Variants in DOK6 observed in about 807,000 individuals in gnomAD.
The protein encoded by DOK6 is downstream of tyrosine kinase 6.
A neutral mutation model predicts 44.0 loss-of-function variants in DOK6; 22 were observed. The ratio of observed to expected loss-of-function variants is 0.50; its 90% CI spans 0.36 to 0.71. The LOEUF (loss-of-function observed/expected upper bound fraction) is 0.71. DOK6 is among the 30% of genes least tolerant of loss of function. The pLI, the probability that DOK6 is intolerant of heterozygous loss-of-function variation, is 0.00. For synonymous variants in DOK6, 166 were observed against 145.5 expected (o/e 1.14, Z -1.01); for missense variants, 340 against 416.4 (o/e 0.82, Z 1.60).
Position 69,564,613 on chromosome 18 carries a change from A to C in DOK6, c.174+19A>C, listed in dbSNP as rs779362836. 1.3e-6 allele frequency: 2 copies of C among 1,592,186 alleles called. No individual in the cohort carries two copies. The highest frequency in any genetic ancestry group is 1.7e-6 in the Non-Finnish European group (2 of 1,165,634). On this transcript the variant is annotated intron_variant, in intron 2 of 7. Transcript: ENST00000382713. ...TCATAAGGTAAGTCACAGTCCTGGG[A>C]GTCCCTGGGGAATAACTGGGCCCTT...
chr18:69,671,385 A>C (rs1275458077), intron 3 of DOK6, among the ~76,000 whole-genome samples: 4 of 152,218 alleles, frequency 2.6e-5, no homozygotes, highest in Non-Finnish European at 5.9e-5. Context: ...TCAAAGATGC[A>C]TTTAGGTGGT....
chr18:69,810,446 T>G (rs1981189238), intron 7 of DOK6, among the ~76,000 whole-genome samples: 1 of 151,334 alleles, frequency 6.6e-6, no homozygotes, highest in African/African-American at 2.4e-5. Flanking sequence ...CCACAGGAAA[T>G]GAAAATGAAA....
chr18:69,691,989 G>C (rs532713465), intron 4 of DOK6, among the ~76,000 whole-genome samples: 1 of 152,212 alleles, frequency 6.6e-6, no homozygotes, highest in Admixed American at 6.5e-5. Context: ...TTGTCATTAA[G>C]AATTCAAAAG....
intron 1 of DOK6, among the ~76,000 whole-genome samples, chr18:69,498,621 A>G (rs1266497944): frequency 6.6e-6 from 1 of 152,226 alleles, no homozygotes; most frequent in Non-Finnish European, 1.5e-5. Context: ...TGTATAAGTT[A>G]CCCCACAATT....
chr18:69,666,603 A>G (rs970306966), intron 3 of DOK6, among the ~76,000 whole-genome samples: 3 of 152,066 alleles, frequency 2.0e-5, no homozygotes, highest in African/African-American at 7.2e-5. Flanking sequence ...TGCAGGCACC[A>G]TGTTGCCATT....
chr18:69,512,332 C>CTTCTTCTTTTTTTTTTTTT (rs59109570), intron 1 of DOK6, among the ~76,000 whole-genome samples: 6 of 91,682 alleles, frequency 6.5e-5, no homozygotes, highest in African/African-American at 2.8e-4. Flanking sequence ...CTTTCTTCTT[C>CTTCTTCTTTTTTTTTTTTT]TTTTTTTTTT....
intron 1 of DOK6, among the ~76,000 whole-genome samples, chr18:69,431,925 A>G (rs1978817638): frequency 6.6e-6 from 1 of 152,220 alleles, no homozygotes; most frequent in African/African-American, 2.4e-5. Flanking sequence ...AGCACAGAAT[A>G]ATTATCTATC....
intron 4 of DOK6, among the ~76,000 whole-genome samples, chr18:69,679,423 T>C (rs992804115): frequency 1.3e-5 from 2 of 152,184 alleles, no homozygotes; most frequent in African/African-American, 2.4e-5. Flanking sequence ...TTGCTTCCAT[T>C]TGAGTTTTTA....
chr18:69,409,581 A>G (rs535890174), intron 1 of DOK6, among the ~76,000 whole-genome samples: 1 of 152,228 alleles, frequency 6.6e-6, no homozygotes, highest in Non-Finnish European at 1.5e-5. Flanking sequence ...CACCAGAAGA[A>G]GATGTTCATA....
intron 7 of DOK6, among the ~76,000 whole-genome samples, chr18:69,805,038 C>T (rs1015895561): frequency 3.9e-5 from 6 of 152,244 alleles, no homozygotes; most frequent in Admixed American, 2.0e-4. Context: ...GGCAGTAATT[C>T]CCAGCAAGCT....
At chr18:69,537,477 C>T (rs1195791645) in intron 1 of DOK6, among the ~76,000 whole-genome samples, 1 of 152,212 alleles carries the variant, frequency 6.6e-6, no homozygotes, top group Non-Finnish European at 1.5e-5. Flanking sequence ...TCCTTTCATT[C>T]TCATATTTGC....
In DOK6 at chr18:69,698,386, T is replaced by C. The variant is rs747128300; in HGVS notation, c.410-18T>C. ...ACCTCTTTTCACTTAACCTTCTCCA[T>C]TCTTCGTCTCTTCACAGAGAGATTC... On this transcript the variant is annotated intron_variant, in intron 4 of 7. Transcript: ENST00000382713. The C allele has an allele frequency of 1.9e-6, 3 of 1,593,050 alleles. No homozygotes were observed. The highest frequency in any genetic ancestry group is 2.2e-5 in the East Asian group (1 of 44,538).
intron 7 of DOK6, among the ~76,000 whole-genome samples, chr18:69,802,882 C>A (rs1980944925): frequency 6.6e-6 from 1 of 152,062 alleles, no homozygotes; most frequent in Non-Finnish European, 1.5e-5. Context: ...TTTATAGCAA[C>A]AGAAAACTGA....
chr18:69,647,281 A>T (rs912609310), intron 3 of DOK6: 4 of 151,840 alleles, frequency 2.6e-5, no homozygotes, highest in African/African-American at 9.7e-5. Context: ...AGTGAAGTTT[A>T]TATGTTTGTT....
chr18:69,766,293 A>G (rs767267739), intron 7 of DOK6, among the ~76,000 whole-genome samples: 2 of 152,166 alleles, frequency 1.3e-5, no homozygotes, highest in African/African-American at 2.4e-5. Context: ...ATTGGGTACT[A>G]TGCTCACCAC....
chr18:69,575,736 T>C (rs1174519715), intron 2 of DOK6, among the ~76,000 whole-genome samples: 1 of 152,136 alleles, frequency 6.6e-6, no homozygotes, highest in Non-Finnish European at 1.5e-5. Flanking sequence ...GAAATAGTAA[T>C]AATTCTAAAG....
intron 3 of DOK6, among the ~76,000 whole-genome samples, chr18:69,626,658 GA>G (rs1482661505): frequency 1.3e-5 from 2 of 152,140 alleles, no homozygotes; most frequent in Non-Finnish European, 2.9e-5. Context: ...TTAACCAAAG[GA>G]AAAATAAACT....
rs1217255104 is a variant in DOK6 at position 69,730,436 on chromosome 18, G to A, written c.600-8529G>A. Among the ~76,000 whole-genome samples the A allele has an allele frequency of 3.9e-5, 6 of 152,214 alleles. No homozygotes were observed. The East Asian group carries it at 9.6e-4, about 24-fold the overall frequency. On this transcript the variant is annotated intron_variant, in intron 5 of 7. Coordinates refer to ENST00000382713, the MANE Select transcript of DOK6 (RefSeq NM_152721.6). The stretch of plus-strand genomic sequence containing the variant: ...TCCATTCCTAAACTAGAATTTGTTA[G>A]TATGAACTATAATGAGACTAATACT...
intron 1 of DOK6, among the ~76,000 whole-genome samples, chr18:69,535,012 C>A (rs1264270526): frequency 6.6e-6 from 1 of 152,032 alleles, no homozygotes; most frequent in Non-Finnish European, 1.5e-5. Context: ...GGCTTTTCTC[C>A]TCAGGCTATA....
Sources: allele counts gnomAD v4.1 joint callset (sites outside exome capture counted in the v4.1 genomes callset), GRCh38; gene constraint gnomAD v4.1.1; transcripts MANE v1.5; gene names NCBI Gene and HGNC (gene_info 2026-07-23, HGNC 2026-07-21).